The following TNIP2 variants were observed in gnomAD, a reference collection of about 807,000 sequenced individuals.
The protein encoded by TNIP2 is TNFAIP3-interacting protein 2.
A neutral mutation model predicts 43.7 loss-of-function variants in TNIP2; 30 were observed. That is an observed-to-expected ratio of 0.69 (90% CI 0.51 to 0.93). The LOEUF is 0.93. Among genes scored for constraint, TNIP2 ranks in the 40% least tolerant of loss-of-function variants. The pLI, the probability that TNIP2 is intolerant of heterozygous loss-of-function variation, is 0.00. For synonymous variants in TNIP2, 260 were observed against 254.6 expected, an observed-to-expected ratio of 1.02 and a Z score of -0.20; for missense variants, 599 against 591.0, an observed-to-expected ratio of 1.01 and a Z score of -0.14.
intron 2 of TNIP2, among the ~76,000 whole-genome samples, chr4:2,747,015 T>C (rs1441052938): frequency 6.6e-6 from 1 of 152,184 alleles, no homozygotes; most frequent in Non-Finnish European, 1.5e-5. Context: ...CGAACCCTTC[T>C]TTGGCCCTCA....
Position 2,743,996 on chromosome 4 carries a change from G to A in TNIP2, c.1026+391C>T, listed in dbSNP as rs1560642647. 2.6e-5 allele frequency among the ~76,000 whole-genome samples: 4 copies of A among 152,232 alleles called. No homozygotes were observed. The East Asian group carries it at 7.7e-4, about 29-fold the overall frequency. On this transcript the variant is annotated intron_variant, in intron 5 of 5. Coordinates refer to ENST00000315423, the MANE Select transcript of TNIP2 (RefSeq NM_024309.4). Reference sequence around the variant, plus strand: ...GCCAGGCTGAGCTGGGGATGTTACTGGACACCCAGGGCCATCACATCTACA... The same window carrying A: ...GCCAGGCTGAGCTGGGGATGTTACTAGACACCCAGGGCCATCACATCTACA...
rs372536576 is a variant in TNIP2 at position 2,747,883 on chromosome 4, G to T, written c.339C>A (p.Ser113Arg). 6.2e-7 allele frequency: 1 copy of T among 1,613,598 alleles called. No homozygotes were observed. The highest frequency in any genetic ancestry group is 8.5e-7 in the Non-Finnish European group (1 of 1,180,050). The change falls in exon 2 of 6, where the codon AGC (serine) becomes AGA (arginine). Residue 113 changes from serine (S) to arginine (R), a missense_variant. Transcript: ENST00000315423. ...EKEREMQQLLSQPQHEREKEV... is the reference protein window; with the variant it reads ...EKEREMQQLLRQPQHEREKEV... ...CCTTCTCTCGCTCGTGTTGGGGCTGGCTCAGCAGCTGCTGCATCTCCCTCT... is the reference window on the plus strand; with the variant it reads ...CCTTCTCTCGCTCGTGTTGGGGCTGTCTCAGCAGCTGCTGCATCTCCCTCT...
chr4:2,752,154 A>G (rs942198052), intron 1 of TNIP2, among the ~76,000 whole-genome samples: 3 of 151,836 alleles, frequency 2.0e-5, no homozygotes, highest in Admixed American at 6.6e-5. Context: ...AAGAGAAGAG[A>G]AAAGAAAAGA....
At chr4:2,750,561 G>C (rs943270055) in intron 1 of TNIP2, among the ~76,000 whole-genome samples, 1 of 151,966 alleles carries the variant, frequency 6.6e-6, no homozygotes, top group Admixed American at 6.6e-5. Context: ...CAAATAGCTG[G>C]GACCATGGGC....
chr4:2,755,915 C>T, intron 1 of TNIP2, 99 bp downstream of exon 1: 2 of 1,382,880 alleles, frequency 1.4e-6, no homozygotes, highest in Non-Finnish European at 9.3e-7. Flanking sequence ...ACCCCCTCAA[C>T]CCCTCAGGAC....
At chr4:2,750,613 C>G (rs1227644995) in intron 1 of TNIP2, among the ~76,000 whole-genome samples, 1 of 151,666 alleles carries the variant, frequency 6.6e-6, no homozygotes, top group Non-Finnish European at 1.5e-5. Flanking sequence ...TGCCACTGCA[C>G]TCTAGCCTGG....
rs1289758257 is a variant in TNIP2 at position 2,747,824 on chromosome 4, C to A, written c.398G>T (p.Gly133Val). The A allele has an allele frequency of 2.5e-6, 4 of 1,613,570 alleles. No homozygotes were observed. The East Asian group carries it at 8.9e-5, about 36-fold the overall frequency. Residue 133 changes from glycine (G) to valine (V), a missense_variant, in exon 2 of 6, where the codon GGG (glycine) becomes GTG (valine). Physicochemically the swap from Gly to Val is moderately radical, Grantham distance 109. Transcript: ENST00000315423. The stretch of plus-strand genomic sequence containing the variant: ...GTCACTGGCGGCCCGGGCGCGCTCC[C>A]CTTCTGCCATGCTCCTCCGTAGCAG... ...VVLLRRSMAEGERARAASDVL... is the reference protein window; with the variant it reads ...VVLLRRSMAEVERARAASDVL...
At position 2,748,794 on chromosome 4, in the gene TNIP2, A is replaced by AT. The variant is rs59776048; in HGVS notation, c.277-850dup. Reference sequence around the variant, plus strand: ...TAGGCGTGAGCCACTGCGCCCAGCAATTTTTTTTTTTTTTTTTTTGAGGCA... The same window carrying AT: ...TAGGCGTGAGCCACTGCGCCCAGCAATTTTTTTTTTTTTTTTTTTTGAGGCA... On this transcript the variant is annotated intron_variant, in intron 1 of 5. Transcript: ENST00000315423. 2.9e-3 allele frequency among the ~76,000 whole-genome samples: 415 copies of AT among 140,796 alleles called. 2 individuals carry two copies. The highest frequency in any genetic ancestry group is 0.01 in the East Asian group (48 of 4,774). 92.4% of individuals were successfully genotyped at this position (140,796 alleles called of 152,430 possible). A position where few individuals can be genotyped will look rare whatever the true frequency, so the allele number is the denominator to read the frequency against.
chr4:2,744,146 C>T lies in TNIP2; in HGVS notation c.1026+241G>A, dbSNP rs1211186553. The stretch of plus-strand genomic sequence containing the variant: ...ACGGACGGGCCCTGAGGACAGCCAC[C>T]TCTGCTAAGACAGGCCGCCATGCCA... On this transcript the variant is annotated intron_variant, in intron 5 of 5. Transcript: ENST00000315423. The surrounding 1 kb of genome is among the most constrained non-coding windows in gnomAD (Gnocchi z 5.1). Among the ~76,000 whole-genome samples the T allele has an allele frequency of 6.6e-6, 1 of 152,198 alleles. No individual in the cohort carries two copies. The highest frequency in any genetic ancestry group is 1.5e-5 in the Non-Finnish European group (1 of 68,034).
chr4:2,748,074 G>A, intron 1 of TNIP2, 129 bp from the exon 2 acceptor site: 1 of 1,005,952 alleles, frequency 9.9e-7, no homozygotes, highest in Non-Finnish European at 1.4e-6. Context: ...TCACTCAGAA[G>A]TTGGGCGTTT....
In TNIP2 at chr4:2,742,413, C is replaced by A. The variant is rs374002738; in HGVS notation, c.1134G>T (p.Gly378=). The A allele has an allele frequency of 6.2e-7, 1 of 1,612,676 alleles. No individual in the cohort carries two copies. The change falls in exon 6 of 6, where the codon GGG becomes GGT. Residue 378 remains glycine (G), a synonymous_variant. Coordinates refer to ENST00000315423, the MANE Select transcript of TNIP2 (RefSeq NM_024309.4). The part of the protein sequence containing the change: ...ELMVPGGWRP[G]TGSQQPEPPA... Reference sequence around the variant, plus strand: ...GGGGTTCTGGCTGCTGGGACCCAGTCCCAGGCCTCCAGCCACCAGGCACCA... The same window carrying A: ...GGGGTTCTGGCTGCTGGGACCCAGTACCAGGCCTCCAGCCACCAGGCACCA...
rs1166598416 is a variant in TNIP2, at chr4:2,741,730, G to A, written c.*527C>T. 2.6e-5 allele frequency: 4 copies of A among 152,910 alleles called. No homozygotes were observed. Among genetic ancestry groups the A allele is most frequent in the Admixed American group, 2.6e-4 (4 of 15,300 alleles). 9.5% of individuals were successfully genotyped at this position (152,910 alleles called of 1,614,324 possible). A position where few individuals can be genotyped will look rare whatever the true frequency, so the allele number is the denominator to read the frequency against. On this transcript the variant is annotated 3_prime_UTR_variant, in exon 6 of 6. Coordinates refer to ENST00000315423, the MANE Select transcript of TNIP2 (RefSeq NM_024309.4). ...AGTAAGTGTGCTTTAACTTCCGGCT[G>A]GATGACAAATGCTACTGAAATGCAG...
chr4:2,750,342 G>T (rs1722068310), intron 1 of TNIP2, among the ~76,000 whole-genome samples: 2 of 151,966 alleles, frequency 1.3e-5, no homozygotes, highest in South Asian at 4.2e-4. Context: ...CGGGAACCTA[G>T]AATGTTCTCA....
chr4:2,749,567 T>G (rs1458979292), intron 1 of TNIP2, among the ~76,000 whole-genome samples: 1 of 152,046 alleles, frequency 6.6e-6, no homozygotes, highest in African/African-American at 2.4e-5. Context: ...GTCTTGTGGA[T>G]AAAGGCCAAG....
At chr4:2,751,639 G>A (rs993945882) in intron 1 of TNIP2, among the ~76,000 whole-genome samples, 1 of 152,194 alleles carries the variant, frequency 6.6e-6, no homozygotes, top group African/African-American at 2.4e-5. Context: ...CAGGCATGGT[G>A]GTGGGCGTTT....
chr4:2,744,781 G>A lies in TNIP2; in HGVS notation c.822C>T (p.Asp274=). ...LNRQLEEKIN[D]CAEVKQELAA... ...CCAGCTCCTGCTTCACTTCGGCACA[G>A]TCATTTATTTTCTCTTCCAACTGTC... The change falls in exon 4 of 6, where the codon GAC becomes GAT. Residue 274 remains aspartate, a synonymous_variant. Transcript: ENST00000315423. The surrounding 1 kb of genome is among the most constrained non-coding windows in gnomAD (Gnocchi z 5.1). The A allele has an allele frequency of 6.2e-7, 1 of 1,612,134 alleles. No homozygotes were observed. Among genetic ancestry groups the A allele is most frequent in the Non-Finnish European group, 8.5e-7 (1 of 1,180,042 alleles).
At chr4:2,743,947 G>T (rs1409058483) in intron 5 of TNIP2, among the ~76,000 whole-genome samples, 1 of 152,194 alleles carries the variant, frequency 6.6e-6, no homozygotes, top group African/African-American at 2.4e-5. Context: ...AGGGGCCCCT[G>T]CCCTGCAAGG....
intron 1 of TNIP2, 164 bp downstream of exon 1, chr4:2,755,850 C>A: frequency 9.7e-7 from 1 of 1,033,086 alleles, no homozygotes; most frequent in Non-Finnish European, 1.3e-6. Flanking sequence ...CTCCCAGGAC[C>A]TGGTGCTCCC....
At position 2,750,716 on chromosome 4, in the gene TNIP2, G is replaced by C. The variant is rs1577311326; in HGVS notation, c.277-2771C>G. On this transcript the variant is annotated intron_variant, in intron 1 of 5. Transcript: ENST00000315423. The stretch of plus-strand genomic sequence containing the variant: ...TTTGATAAAGACAGGGTGTGGCTAT[G>C]TTGCCTAGGCTGGTCTTGAACTCCT... Among the ~76,000 whole-genome samples the C allele has an allele frequency of 5.3e-5, 8 of 150,280 alleles. No individual in the cohort carries two copies. In the South Asian group the frequency reaches 1.7e-3, roughly 32 times the overall value.
Sources: allele counts gnomAD v4.1 joint callset (sites outside exome capture counted in the v4.1 genomes callset), GRCh38; gene constraint gnomAD v4.1.1; non-coding constraint Gnocchi (gnomAD v3.1); transcripts MANE v1.5; gene names NCBI Gene and HGNC (gene_info 2026-07-23, HGNC 2026-07-21).